Variants in VPS8 observed in about 807,000 individuals in gnomAD.
The protein encoded by VPS8 is vacuolar protein sorting-associated protein 8 homolog.
VPS8 carries 129 observed loss-of-function variants against 216.4 expected under a neutral mutation model. The observed-to-expected ratio is 0.60, with a 90% CI of 0.52 to 0.69. VPS8 has a LOEUF of 0.69. Among genes scored for constraint, VPS8 ranks in the 30% least tolerant of loss-of-function variants. VPS8 has a pLI of 0.00. For synonymous variants in VPS8, 571 were observed against 565.4 expected (o/e 1.01, Z -0.14); for missense variants, 1,531 against 1,683.5 (o/e 0.91, Z 1.59).
At chr3:185,048,061 G>A (rs748758224) in intron 46 of VPS8, among the ~76,000 whole-genome samples, 1 of 152,226 alleles carries the variant, frequency 6.6e-6, no homozygotes, top group Non-Finnish European at 1.5e-5. Context: ...ACAGGGATGA[G>A]ATTTTTAAAT....
At chr3:184,915,136 A>G (rs1043834874) in intron 27 of VPS8, 83 bp downstream of exon 27, 50 of 1,491,094 alleles carry the variant, frequency 3.4e-5, no homozygotes, top group Non-Finnish European at 4.7e-5. Flanking sequence ...TGAGGCTTAC[A>G]CGTGGGTCAG....
At chr3:184,857,489 G>A (rs1309650641) in intron 14 of VPS8, among the ~76,000 whole-genome samples, 1 of 152,164 alleles carries the variant, frequency 6.6e-6, no homozygotes, top group East Asian at 1.9e-4. Flanking sequence ...TGATGAGAAG[G>A]CTTGTTTTTC....
At chr3:184,941,242 C>CCATTTAAATCTTGAATAGGCTGTGGTA (rs140060768) in intron 36 of VPS8, among the ~76,000 whole-genome samples, 70,342 of 149,432 alleles carry the variant, frequency 0.47, 17,390 homozygotes, top group Middle Eastern at 0.64. Context: ...GAAAGCTCAA[C>CCATTTAAATCTTGAATAGGCTGTGGTA]CATTTAAATC....
chr3:184,999,418 A>G (rs1156308885), intron 44 of VPS8, among the ~76,000 whole-genome samples: 1 of 152,232 alleles, frequency 6.6e-6, no homozygotes, highest in Non-Finnish European at 1.5e-5. Context: ...AGTTTGAGAA[A>G]TGAACAGAAG....
chr3:184,908,222 A>G (rs999594767), intron 25 of VPS8, among the ~76,000 whole-genome samples: 13 of 152,198 alleles, frequency 8.5e-5, no homozygotes, highest in Non-Finnish European at 1.5e-5. Flanking sequence ...GTAAGCTGCC[A>G]GATAGGTCAA....
chr3:184,867,970 C>T, intron 17 of VPS8, 54 bp from the exon 18 acceptor site: 2 of 1,589,238 alleles, frequency 1.3e-6, no homozygotes, highest in Non-Finnish European at 1.7e-6. Flanking sequence ...AATGTATCTC[C>T]CAAAGAAGTC....
intron 21 of VPS8, among the ~76,000 whole-genome samples, chr3:184,884,016 A>G (rs1390684852): frequency 1.3e-5 from 2 of 152,118 alleles, no homozygotes; most frequent in Non-Finnish European, 2.9e-5. Context: ...GTTTAGGGTG[A>G]TCTCTGGGGA....
chr3:184,972,652 C>A (rs1166521952), intron 40 of VPS8, among the ~76,000 whole-genome samples: 2 of 152,210 alleles, frequency 1.3e-5, no homozygotes, highest in African/African-American at 2.4e-5. Context: ...AAGGTTGGAA[C>A]CACTGCTATC....
intron 11 of VPS8, among the ~76,000 whole-genome samples, 172 bp downstream of exon 11, chr3:184,852,739 C>T (rs546255403): frequency 6.6e-6 from 1 of 152,144 alleles, no homozygotes; most frequent in Non-Finnish European, 1.5e-5. Flanking sequence ...AGTTCTGGGC[C>T]TGGTCCTCCC....
intron 39 of VPS8, among the ~76,000 whole-genome samples, chr3:184,970,551 T>C (rs895360844): frequency 6.6e-6 from 1 of 152,158 alleles, no homozygotes; most frequent in African/African-American, 2.4e-5. Flanking sequence ...AAGAACCTTT[T>C]AGGCTGAGGA....
intron 46 of VPS8, among the ~76,000 whole-genome samples, chr3:185,045,852 A>G (rs1561261261): frequency 6.6e-6 from 1 of 150,988 alleles, no homozygotes; most frequent in Non-Finnish European, 1.5e-5. Flanking sequence ...TACTGCTCCC[A>G]CTTCCACATC....
intron 36 of VPS8, among the ~76,000 whole-genome samples, chr3:184,956,651 C>T (rs569410940): frequency 3.9e-5 from 6 of 152,316 alleles, no homozygotes; most frequent in South Asian, 4.1e-4. Flanking sequence ...CAGCTACTTT[C>T]GGCCATCAGT....
chr3:184,857,831 A>G (rs1253275154), intron 14 of VPS8, among the ~76,000 whole-genome samples: 1 of 152,266 alleles, frequency 6.6e-6, no homozygotes, highest in Non-Finnish European at 1.5e-5. Context: ...GAGAAAGAGT[A>G]GGTGACTGCC....
At chr3:184,904,327 T>C (rs1735097423) in intron 25 of VPS8, among the ~76,000 whole-genome samples, 1 of 152,220 alleles carries the variant, frequency 6.6e-6, no homozygotes, top group South Asian at 2.1e-4. Flanking sequence ...GCACTCAATA[T>C]TTCATCATTA....
intron 45 of VPS8, among the ~76,000 whole-genome samples, chr3:185,019,241 C>T (rs1380606652): frequency 6.6e-6 from 1 of 152,120 alleles, no homozygotes; most frequent in Admixed American, 6.5e-5. Flanking sequence ...CCAACCATCA[C>T]TCCGGCGACC....
chr3:185,039,746 G>A (rs983834553), intron 46 of VPS8, among the ~76,000 whole-genome samples: 1 of 152,048 alleles, frequency 6.6e-6, no homozygotes, highest in Non-Finnish European at 1.5e-5. Context: ...GCTACCTCAT[G>A]GGTCTCATGT....
chr3:184,819,144 A>G (rs955867345), intron 1 of VPS8, among the ~76,000 whole-genome samples: 4 of 152,188 alleles, frequency 2.6e-5, no homozygotes, highest in African/African-American at 9.7e-5. Flanking sequence ...GAATCTATTA[A>G]TTGGTTGGGA....
At chr3:184,903,418 G>C (rs1213100990) in intron 25 of VPS8, among the ~76,000 whole-genome samples, 1 of 152,074 alleles carries the variant, frequency 6.6e-6, no homozygotes, top group African/African-American at 2.4e-5. Flanking sequence ...TCTAATGTAT[G>C]AATGTGGTAT....
intron 25 of VPS8, among the ~76,000 whole-genome samples, chr3:184,910,093 C>T (rs1005866778): frequency 1.4e-5 from 2 of 147,502 alleles, no homozygotes; most frequent in African/African-American, 5.0e-5. Flanking sequence ...GTTTGGGGAT[C>T]CTTCCTCTTT....
Sources: gnomAD v4.1 joint callset for allele counts (sites outside exome capture counted in the v4.1 genomes callset) on GRCh38, gnomAD v4.1.1 for gene constraint, MANE v1.5 for transcripts, NCBI Gene and HGNC (gene_info 2026-07-23, HGNC 2026-07-21) for gene names.